The following MIOS variants were observed in gnomAD, a reference collection of about 807,000 sequenced individuals.
MIOS encodes meiosis regulator for oocyte development, also known as GATOR2 complex protein MIOS.
In MIOS, 52 loss-of-function variants were observed where a neutral mutation model predicts 96.9. That is an observed-to-expected ratio of 0.54 (90% CI 0.43 to 0.68). The LOEUF (loss-of-function observed/expected upper bound fraction) is 0.68. Ranked by LOEUF, MIOS falls within the 30% of genes least tolerant of loss-of-function variation. The pLI, the probability that MIOS is intolerant of heterozygous loss-of-function variation, is 0.00. For synonymous variants in MIOS, 397 were observed against 359.5 expected (o/e 1.10, Z -1.18); for missense variants, 1,005 against 1,052.8 (o/e 0.95, Z 0.63).
At chr7:7,603,470 A>G (rs908459110) in intron 11 of MIOS, among the ~76,000 whole-genome samples, 10 of 150,422 alleles carry the variant, frequency 6.6e-5, no homozygotes, top group African/African-American at 2.0e-4. Flanking sequence ...AATGTTCATC[A>G]TCACTGGCCA....
In MIOS at chr7:7,573,174, C is replaced by G; in HGVS notation, c.699C>G (p.Asp233Glu). The G allele has an allele frequency of 6.2e-7, 1 of 1,614,066 alleles. No individual in the cohort carries two copies. Among genetic ancestry groups the G allele is most frequent in the Non-Finnish European group, 8.5e-7 (1 of 1,179,958 alleles). ...AAGCTGTTCAGGGTGTGACGGTAGA[C>G]CCATATTTCCACGATCGTGTTGCTT... is the stretch of plus-strand genomic sequence containing the variant. ...NTKAVQGVTV[D>E]PYFHDRVASF... The change falls in exon 4 of 13, where the codon GAC becomes GAG. Residue 233 changes from aspartate to glutamate, a missense_variant. By Grantham distance (45) the Asp-to-Glu change is conservative. This residue lies in a region of MIOS where 865 missense variants were observed against 887.9 expected (regional missense o/e 0.97). Transcript: ENST00000340080. The surrounding 1 kb of genome is among the most constrained non-coding windows in gnomAD (Gnocchi z 5.0).
chr7:7,600,402 AAAG>A (rs1191399545), intron 11 of MIOS, among the ~76,000 whole-genome samples: 1 of 152,184 alleles, frequency 6.6e-6, no homozygotes, highest in East Asian at 1.9e-4. Context: ...GAAAACAAAA[AAAG>A]GCAGGCGTTG....
intron 7 of MIOS, among the ~76,000 whole-genome samples, chr7:7,586,497 C>T (rs1380056357): frequency 6.6e-6 from 1 of 152,146 alleles, no homozygotes; most frequent in Admixed American, 6.6e-5. Context: ...TTTCTTTGCA[C>T]TACTTGGCTT....
intron 9 of MIOS, among the ~76,000 whole-genome samples, chr7:7,590,665 A>C (rs1403609413): frequency 6.6e-6 from 1 of 152,016 alleles, no homozygotes; most frequent in Non-Finnish European, 1.5e-5. Context: ...ATTTTGGGTT[A>C]ATATTTCCAT....
Position 7,595,121 on chromosome 7 carries a change from C to A in MIOS, c.2185C>A (p.Pro729Thr), listed in dbSNP as rs776806256. 9.9e-6 allele frequency: 16 copies of A among 1,610,282 alleles called. No individual in the cohort carries two copies. Among genetic ancestry groups the A allele is most frequent in the African/African-American group, 9.4e-5 (7 of 74,594 alleles). The stretch of plus-strand genomic sequence containing the variant: ...GAGTAAGTTGGATCCCAGTTCCAAG[C>A]CTTTAGCACAAGTAAGTACATTGTT... ...HRSKLDPSSK[P>T]LAQVFVSCNF... The change falls in exon 10 of 13, where the codon CCT (proline) becomes ACT (threonine). Residue 729 changes from proline (P) to threonine (T), a missense_variant. Around this residue, in one of 3 missense-constraint regions of MIOS, gnomAD observed 865 missense variants for 887.9 expected, o/e 0.97. Transcript: ENST00000340080.
intron 12 of MIOS, among the ~76,000 whole-genome samples, chr7:7,606,303 TTAAA>T (rs1164509783): frequency 6.6e-6 from 1 of 152,232 alleles, no homozygotes; most frequent in Non-Finnish European, 1.5e-5. Context: ...TTTGTATGAG[TTAAA>T]TGTTTGAATA....
In MIOS at chr7:7,597,480, ATATATATATATATATATATAT is replaced by A. The variant is rs1784240838; in HGVS notation, c.2401+1020_2401+1040del. 3.6e-4 allele frequency among the ~76,000 whole-genome samples: 12 copies of A among 32,940 alleles called. 1 individual carries two copies. The highest frequency in any genetic ancestry group is 1.0e-3 in the African/African-American group (12 of 11,750). 21.6% of individuals were successfully genotyped at this position (32,940 alleles called of 152,430 possible). ...TTACCTAGTAAATTTATATATATAT[ATATATATATATATATATATAT>A]ATATATATATATATATGAAGGCAAT... On this transcript the variant is annotated intron_variant, in intron 11 of 12. Transcript: ENST00000340080.
Position 7,571,359 on chromosome 7 carries a change from C to T in MIOS, c.-40-1077C>T, listed in dbSNP as rs73349846. Among the ~76,000 whole-genome samples, 1,041 of 152,144 alleles carry T rather than the reference C, an allele frequency of 6.8e-3. 14 individuals carry two copies. The highest frequency in any genetic ancestry group is 0.023 in the African/African-American group (970 of 41,496). On this transcript the variant is annotated intron_variant, in intron 3 of 12. Transcript: ENST00000340080. ...AACACTTATTCAAAGTTTGTAGAAG[C>T]GAAAACTGAAAGAGCCTCTAATGAT...
chr7:7,580,839 A>G (rs1255459244), intron 5 of MIOS, among the ~76,000 whole-genome samples: 1 of 150,440 alleles, frequency 6.6e-6, no homozygotes, highest in African/African-American at 2.4e-5. Flanking sequence ...GGTGCACACC[A>G]CCACACCCGG....
intron 5 of MIOS, among the ~76,000 whole-genome samples, chr7:7,580,215 T>A (rs912807731): frequency 1.3e-5 from 2 of 152,252 alleles, no homozygotes; most frequent in African/African-American, 2.4e-5. Context: ...TTAATTTTTT[T>A]AATAAGTGTT....
chr7:7,583,298 C>A lies in MIOS; in HGVS notation c.1574C>A (p.Ala525Asp). ...CAAGAAGGGGAATGGGAAAGAGCTG[C>A]TGCTGTGGCATTGTTCAACTTGGAT... Reference protein sequence around the residue: ...LVQEGEWERAAAVALFNLDIR... With the variant: ...LVQEGEWERADAVALFNLDIR... The change falls in exon 6 of 13, where the codon GCT becomes GAT. Residue 525 changes from alanine to aspartate, a missense_variant. Around this residue, in one of 3 missense-constraint regions of MIOS, gnomAD observed 865 missense variants for 887.9 expected, o/e 0.97. Coordinates refer to ENST00000340080, the MANE Select transcript of MIOS (RefSeq NM_019005.4). 6.2e-7 allele frequency: 1 copy of A among 1,614,062 alleles called. No homozygotes were observed. Among genetic ancestry groups the A allele is most frequent in the Non-Finnish European group, 8.5e-7 (1 of 1,179,982 alleles).
At position 7,588,577 on chromosome 7, in the gene MIOS, T is replaced by C. The variant is rs771513747; in HGVS notation, c.1884+14T>C. The C allele has an allele frequency of 6.5e-7, 1 of 1,541,158 alleles. No homozygotes were observed. The highest frequency in any genetic ancestry group is 1.8e-5 in the Admixed American group (1 of 56,580). On this transcript the variant is annotated intron_variant, in intron 8 of 12. Transcript: ENST00000340080. ...AGTGATACTCAGGTGAAAACTGATTTAATTCCACATTTGAAGTAATTAATA... is the reference window on the plus strand; with the variant it reads ...AGTGATACTCAGGTGAAAACTGATTCAATTCCACATTTGAAGTAATTAATA...
At chr7:7,585,604 A>T in intron 6 of MIOS, 32 bp from the exon 7 acceptor site, 1 of 1,541,870 alleles carries the variant, frequency 6.5e-7, no homozygotes, top group Non-Finnish European at 8.7e-7. Context: ...GCTTTTGATC[A>T]CTTTGATTAG....
At chr7:7,596,649 T>C (rs1406195247) in intron 11 of MIOS, among the ~76,000 whole-genome samples, 188 bp downstream of exon 11, 2 of 152,204 alleles carry the variant, frequency 1.3e-5, no homozygotes, top group Non-Finnish European at 2.9e-5. Context: ...TCTATATCTA[T>C]TGATACTTCA....
rs1783394589 is a variant in MIOS at position 7,572,724 on chromosome 7, A to G, written c.249A>G (p.Ala83=). The change falls in exon 4 of 13, where the codon GCA becomes GCG. Residue 83 remains alanine (A), a synonymous_variant. Coordinates refer to ENST00000340080, the MANE Select transcript of MIOS (RefSeq NM_019005.4). The surrounding 1 kb of genome is among the most constrained non-coding windows in gnomAD (Gnocchi z 4.8). The part of the protein sequence containing the change: ...DPECLLAVGQ[A]NGRVVLTSLG... ...AATGTCTGCTGGCAGTTGGACAAGC[A>G]AATGGTCGAGTTGTACTTACAAGCC... 7 of 1,614,082 alleles carry G rather than the reference A, an allele frequency of 4.3e-6. No homozygotes were observed. Among genetic ancestry groups the G allele is most frequent in the Non-Finnish European group, 5.9e-6 (7 of 1,180,014 alleles).
At chr7:7,571,459 C>T (rs1348307980) in intron 3 of MIOS, among the ~76,000 whole-genome samples, 2 of 152,114 alleles carry the variant, frequency 1.3e-5, no homozygotes, top group African/African-American at 4.8e-5. Flanking sequence ...AGATAAAACA[C>T]AATCAAGCCT....
chr7:7,577,717 A>G (rs1341145154), intron 5 of MIOS, among the ~76,000 whole-genome samples: 2 of 152,144 alleles, frequency 1.3e-5, no homozygotes, highest in Non-Finnish European at 2.9e-5. Context: ...TGTATGCAGG[A>G]TGTTTGAGTT....
In MIOS at chr7:7,572,779, G is replaced by T. The variant is rs1436509915; in HGVS notation, c.304G>T (p.Asp102Tyr). ...TCAAGATCATAACTCAAAGTTCAAA[G>T]ATTTGATAGGAAAAGAGTTTGTTCC... ...LGQDHNSKFK[D>Y]LIGKEFVPKH... is the part of the protein sequence containing the mutation. Residue 102 changes from aspartate (D) to tyrosine (Y), a missense_variant, in exon 4 of 13, where the codon GAT becomes TAT. By Grantham distance (160) the Asp-to-Tyr change is radical. Coordinates refer to ENST00000340080, the MANE Select transcript of MIOS (RefSeq NM_019005.4). This position sits in a 1 kb window ranked among gnomAD's most constrained non-coding sequence, Gnocchi z 4.8. 2.5e-6 allele frequency: 4 copies of T among 1,614,064 alleles called. No homozygotes were observed. The Admixed American group carries it at 6.7e-5, about 27-fold the overall frequency.
chr7:7,581,149 C>T (rs972009828), intron 5 of MIOS, among the ~76,000 whole-genome samples: 4 of 151,042 alleles, frequency 2.6e-5, no homozygotes, highest in Non-Finnish European at 4.4e-5. Context: ...TGGCGAAACC[C>T]GGTCTCTACT....
Sources: allele counts gnomAD v4.1 joint callset (sites outside exome capture counted in the v4.1 genomes callset), GRCh38; gene constraint gnomAD v4.1.1; regional missense constraint gnomAD v4.1.1; non-coding constraint Gnocchi (gnomAD v3.1); transcripts MANE v1.5; gene names NCBI Gene and HGNC (gene_info 2026-07-23, HGNC 2026-07-21).